Variants in CNTN3 observed in about 807,000 individuals in gnomAD.
The protein encoded by CNTN3 is contactin-3.
In CNTN3, 60 loss-of-function variants were observed where a neutral mutation model predicts 119.1. The observed-to-expected ratio is 0.50, with a 90% CI of 0.41 to 0.62. The LOEUF is 0.62. Ranked by LOEUF, CNTN3 falls within the 20% of genes least tolerant of loss-of-function variation. The pLI, the probability that CNTN3 is intolerant of heterozygous loss-of-function variation, is 0.00. For synonymous variants in CNTN3, 450 were observed against 438.7 expected, an observed-to-expected ratio of 1.03 and a Z score of -0.32; for missense variants, 1,101 against 1,242.4, an observed-to-expected ratio of 0.89 and a Z score of 1.71.
At chr3:74,349,586 T>C (rs940132486) in intron 11 of CNTN3, among the ~76,000 whole-genome samples, 1 of 152,234 alleles carries the variant, frequency 6.6e-6, no homozygotes, top group African/African-American at 2.4e-5. Flanking sequence ...GTACTGCAAC[T>C]TGATTTTGTT....
chr3:74,353,499 G>A (rs1019597069), intron 11 of CNTN3, among the ~76,000 whole-genome samples: 1 of 152,206 alleles, frequency 6.6e-6, no homozygotes, highest in Non-Finnish European at 1.5e-5. Context: ...GCTCACGCCT[G>A]TAATCCCAGC....
chr3:74,593,510 T>A (rs1704739729), intron 1 of CNTN3, among the ~76,000 whole-genome samples: 1 of 151,990 alleles, frequency 6.6e-6, no homozygotes, highest in African/African-American at 2.4e-5. Context: ...TGTGCTCATA[T>A]GGAGGGAAAT....
chr3:74,272,794 G>A (rs1701804721), intron 20 of CNTN3, among the ~76,000 whole-genome samples: 1 of 152,104 alleles, frequency 6.6e-6, no homozygotes, highest in Non-Finnish European at 1.5e-5. Context: ...GAGCAGGTTT[G>A]GAGGTTTCAA....
intron 4 of CNTN3, among the ~76,000 whole-genome samples, chr3:74,429,039 C>T (rs1220125773): frequency 6.6e-6 from 1 of 152,084 alleles, no homozygotes; most frequent in East Asian, 1.9e-4. Context: ...TAAGTACATA[C>T]TATGATGTTT....
chr3:74,494,455 A>G (rs1264472631), intron 3 of CNTN3, among the ~76,000 whole-genome samples: 1 of 152,032 alleles, frequency 6.6e-6, no homozygotes, highest in Non-Finnish European at 1.5e-5. Flanking sequence ...GTTTTTGATG[A>G]CATTTATTAG....
At chr3:74,310,831 T>C (rs1702668652) in intron 13 of CNTN3, among the ~76,000 whole-genome samples, 1 of 152,180 alleles carries the variant, frequency 6.6e-6, no homozygotes, top group Non-Finnish European at 1.5e-5. Context: ...CAGCCATCTT[T>C]GGAAAACACA....
At chr3:74,310,266 G>T (rs1179140995) in intron 13 of CNTN3, among the ~76,000 whole-genome samples, 1 of 152,120 alleles carries the variant, frequency 6.6e-6, no homozygotes, top group Non-Finnish European at 1.5e-5. Context: ...ACTTGATCAT[G>T]TTATGCCAAA....
intron 4 of CNTN3, among the ~76,000 whole-genome samples, chr3:74,441,983 A>T (rs550707098): frequency 6.6e-6 from 1 of 152,092 alleles, no homozygotes; most frequent in Non-Finnish European, 1.5e-5. Context: ...TTTTTTGCAT[A>T]ACTATTACAT....
chr3:74,591,215 T>C (rs1263268356), intron 1 of CNTN3, among the ~76,000 whole-genome samples: 2 of 151,992 alleles, frequency 1.3e-5, no homozygotes, highest in East Asian at 3.9e-4. Flanking sequence ...GTTTGTTACA[T>C]ATTCTATTTA....
At chr3:74,580,053 C>T (rs1307020125) in intron 1 of CNTN3, among the ~76,000 whole-genome samples, 3 of 152,070 alleles carry the variant, frequency 2.0e-5, no homozygotes, top group African/African-American at 7.2e-5. Flanking sequence ...ATGAAAAGGG[C>T]AACATCACAA....
chr3:74,571,518 T>C (rs1405405153), intron 1 of CNTN3, among the ~76,000 whole-genome samples: 1 of 152,146 alleles, frequency 6.6e-6, no homozygotes, highest in African/African-American at 2.4e-5. Context: ...ATCTGTAACA[T>C]GAGAATTCTT....
chr3:74,585,126 T>C (rs1236688790), intron 1 of CNTN3, among the ~76,000 whole-genome samples: 2 of 152,160 alleles, frequency 1.3e-5, no homozygotes, highest in African/African-American at 4.8e-5. Context: ...GTGGCATATC[T>C]ACGTTTAATA....
intron 5 of CNTN3, among the ~76,000 whole-genome samples, chr3:74,384,286 C>T (rs558894596): frequency 6.6e-5 from 10 of 152,336 alleles, no homozygotes; most frequent in African/African-American, 1.7e-4. Context: ...CCCTCTTCCA[C>T]GCATTCTTGT....
chr3:74,296,705 C>T (rs1290928667), intron 18 of CNTN3, among the ~76,000 whole-genome samples: 1 of 152,140 alleles, frequency 6.6e-6, no homozygotes, highest in South Asian at 2.1e-4. Flanking sequence ...ACTGGCTGTA[C>T]CACTTACTAT....
At chr3:74,533,118 C>T (rs1476417619) in intron 1 of CNTN3, among the ~76,000 whole-genome samples, 2 of 151,972 alleles carry the variant, frequency 1.3e-5, no homozygotes, top group African/African-American at 4.8e-5. Flanking sequence ...ATGATGATGC[C>T]TGGCCAGTGC....
intron 20 of CNTN3, among the ~76,000 whole-genome samples, chr3:74,279,923 A>T (rs1701966837): frequency 6.6e-6 from 1 of 152,148 alleles, no homozygotes; most frequent in Non-Finnish European, 1.5e-5. Context: ...GGGACAAAAA[A>T]ATAGAATGAC....
chr3:74,285,790 GATAT>G (rs71129738), intron 19 of CNTN3, among the ~76,000 whole-genome samples: 2,546 of 56,154 alleles, frequency 0.045, 35 homozygotes, highest in Non-Finnish European at 0.067. Context: ...ATGAAGGGGA[GATAT>G]ATATATATAT....
intron 13 of CNTN3, among the ~76,000 whole-genome samples, chr3:74,329,821 A>G (rs1308026216): frequency 6.6e-6 from 1 of 152,176 alleles, no homozygotes; most frequent in Non-Finnish European, 1.5e-5. Context: ...TACCATAAAC[A>G]TATAGCTAGG....
In CNTN3 at chr3:74,599,556, C is replaced by A. The variant is rs144033493; in HGVS notation, c.-81+14835G>T. On this transcript the variant is annotated intron_variant, in intron 1 of 22. Transcript: ENST00000263665. ...ATAAGGAGCATGCCACATGTAGATC[C>A]CTCACATACGCAATTCACAAATGGG... 7.1e-4 allele frequency among the ~76,000 whole-genome samples: 108 copies of A among 152,130 alleles called. 2 individuals carry two copies. The highest frequency in any genetic ancestry group is 2.6e-3 in the African/African-American group (106 of 41,530).
Sources: gnomAD v4.1 joint callset for allele counts (sites outside exome capture counted in the v4.1 genomes callset) on GRCh38, gnomAD v4.1.1 for gene constraint, MANE v1.5 for transcripts, NCBI Gene and HGNC (gene_info 2026-07-23, HGNC 2026-07-21) for gene names.